Variants in ANXA8 observed in about 807,000 individuals in gnomAD.
The protein encoded by ANXA8 is VAC-beta.
A neutral mutation model predicts 26.8 loss-of-function variants in ANXA8; 9 were observed. The ratio of observed to expected loss-of-function variants is 0.34; its 90% confidence interval spans 0.20 to 0.59. ANXA8 has a LOEUF of 0.59. ANXA8 is among the 20% of genes least tolerant of loss of function. ANXA8 has a pLI of 0.84. For synonymous variants in ANXA8, 39 were observed against 94.8 expected, an observed-to-expected ratio of 0.41 and a Z score of 3.42; for missense variants, 83 against 238.5, an observed-to-expected ratio of 0.35 and a Z score of 4.29.
At chr10:47,653,668 CAG>C in the ANXA8 span, among the ~76,000 whole-genome samples, 2 of 149,244 alleles carry the variant, frequency 1.3e-5, no homozygotes, top group African/African-American at 5.1e-5. Context: ...TATTTTGAGA[CAG>C]AGTCTCGCTC....
At chr10:47,744,422 T>TTGGGGGGGGAGGGGGGAAGGGGGGGGA in the ANXA8 span, among the ~76,000 whole-genome samples, 1 of 11,728 alleles carries the variant, frequency 8.5e-5, no homozygotes, top group African/African-American at 3.9e-4. Context: ...GGGGGGGGGG[T>TTGGGGGGGGAGGGGGGAAGGGGGGGGA]TGGGGGGGAG....
the ANXA8 span, among the ~76,000 whole-genome samples, chr10:47,666,478 A>G: frequency 6.6e-6 from 1 of 151,770 alleles, no homozygotes; most frequent in Non-Finnish European, 1.5e-5. Flanking sequence ...TTGACAGACC[A>G]GGGAGCAGAA....
the ANXA8 span, among the ~76,000 whole-genome samples, chr10:47,509,980 T>C: frequency 7.0e-6 from 1 of 142,542 alleles, no homozygotes; most frequent in East Asian, 2.8e-4. Flanking sequence ...GTTTGCTTCT[T>C]TGCTAACTGA....
chr10:47,645,641 C>T, the ANXA8 span, among the ~76,000 whole-genome samples: 2 of 151,622 alleles, frequency 1.3e-5, no homozygotes, highest in Non-Finnish European at 2.9e-5. Flanking sequence ...TGAGTAACTT[C>T]ATGTGTCAGT....
chr10:47,991,547 C>T, the ANXA8 span: 1 of 1,584,096 alleles, frequency 6.3e-7, no homozygotes, highest in Non-Finnish European at 8.6e-7. Flanking sequence ...ACCCTCCATG[C>T]TTGGCCCAGG....
the ANXA8 span, among the ~76,000 whole-genome samples, chr10:47,743,368 A>ATG: frequency 2.8e-5 from 1 of 35,732 alleles, no homozygotes. Context: ...ATATATATAT[A>ATG]TACATATATA....
chr10:47,478,482 CCCCCAACCCCAAGGCTCACCTAT>C, intron 3 of ANXA8, 28 bp downstream of exon 3: 1 of 861,452 alleles, frequency 1.2e-6, no homozygotes, highest in Non-Finnish European at 1.9e-6. Flanking sequence ...CCAGGCTGTA[CCCCCAACCCCAAGGCTCACCTAT>C]CCCCACCCCC....
chr10:47,711,670 A>G, the ANXA8 span, among the ~76,000 whole-genome samples: 1 of 141,758 alleles, frequency 7.1e-6, no homozygotes, highest in South Asian at 2.2e-4. Context: ...AGCCTGGCTG[A>G]GAACATGAGT....
the ANXA8 span, among the ~76,000 whole-genome samples, chr10:47,776,753 T>C: frequency 6.6e-6 from 1 of 151,934 alleles, no homozygotes; most frequent in African/African-American, 2.4e-5. Context: ...GAGTAATATA[T>C]TTGTGGAATA....
chr10:47,930,892 TC>T, the ANXA8 span, among the ~76,000 whole-genome samples: 1 of 140,488 alleles, frequency 7.1e-6, no homozygotes, highest in Non-Finnish European at 1.5e-5. Flanking sequence ...CTGAAGCAGC[TC>T]CCTTTGCATC....
At chr10:47,705,121 G>A in the ANXA8 span, among the ~76,000 whole-genome samples, 1 of 151,878 alleles carries the variant, frequency 6.6e-6, no homozygotes, top group Admixed American at 6.6e-5. Flanking sequence ...ATGTAGAAGA[G>A]TAAGTGGTTG....
chr10:47,777,190 CCAGT>C, the ANXA8 span, among the ~76,000 whole-genome samples: 1 of 151,554 alleles, frequency 6.6e-6, no homozygotes, highest in African/African-American at 2.4e-5. Flanking sequence ...GTCCCATTGG[CCAGT>C]CAAATTTCCA....
At chr10:47,649,833 G>A in the ANXA8 span, among the ~76,000 whole-genome samples, 4 of 142,686 alleles carry the variant, frequency 2.8e-5, no homozygotes, top group Non-Finnish European at 4.6e-5. Context: ...AGACTCGAGC[G>A]GTCCTCCCAC....
chr10:47,726,467 C>G, the ANXA8 span, among the ~76,000 whole-genome samples: 1 of 151,910 alleles, frequency 6.6e-6, no homozygotes, highest in Admixed American at 6.6e-5. Context: ...ATATGCAAAA[C>G]AGTTTATTTC....
chr10:47,957,250 C>A, the ANXA8 span, among the ~76,000 whole-genome samples: 1 of 150,406 alleles, frequency 6.6e-6, no homozygotes, highest in Non-Finnish European at 1.5e-5. Context: ...GAGGATGGAC[C>A]AACACACACG....
chr10:47,749,628 C>T, the ANXA8 span, among the ~76,000 whole-genome samples: 222 of 149,614 alleles, frequency 1.5e-3, 3 homozygotes, highest in Admixed American at 2.5e-3. Flanking sequence ...GTGGAGGAAA[C>T]CACTAAAGAA....
the ANXA8 span, among the ~76,000 whole-genome samples, chr10:47,525,375 C>T: frequency 3.5e-5 from 5 of 142,110 alleles, no homozygotes; most frequent in East Asian, 2.9e-4. Flanking sequence ...CATGGCACTC[C>T]TGCCTGGACA....
At chr10:47,749,225 C>A in the ANXA8 span, among the ~76,000 whole-genome samples, 12,210 of 79,610 alleles carry the variant, frequency 0.15, 623 homozygotes, top group East Asian at 0.37. Context: ...CAGAGTGAGA[C>A]CCTGTCTCAA....
chr10:47,727,216 TAACTC>T, the ANXA8 span, among the ~76,000 whole-genome samples: 2 of 152,306 alleles, frequency 1.3e-5, no homozygotes, highest in Admixed American at 1.3e-4. Context: ...CTATTTTACT[TAACTC>T]TAGTTTTATA....
Sources: gnomAD v4.1 joint callset for allele counts (sites outside exome capture counted in the v4.1 genomes callset) on GRCh38, gnomAD v4.1.1 for gene constraint, MANE v1.5 for transcripts, NCBI Gene and HGNC (gene_info 2026-07-23, HGNC 2026-07-21) for gene names.